The following SCP2 variants were observed in gnomAD, a reference collection of about 807,000 sequenced individuals.
SCP2 encodes the protein SCP-2/3-oxoacyl-CoA thiolase.
SCP2 carries 48 observed loss-of-function variants against 71.4 expected under a neutral mutation model. That is an observed-to-expected ratio of 0.67 (90% CI 0.53 to 0.86). SCP2 has a LOEUF of 0.86. SCP2 is among the 40% of genes least tolerant of loss of function. SCP2 has a pLI of 0.00. For missense variants in SCP2, 560 were observed against 655.6 expected, an observed-to-expected ratio of 0.85 and a Z score of 1.59; for synonymous variants, 220 against 218.1, an observed-to-expected ratio of 1.01 and a Z score of -0.08.
chr1:52,971,762 G>C (rs554312821), intron 6 of SCP2, among the ~76,000 whole-genome samples: 1 of 152,206 alleles, frequency 6.6e-6, no homozygotes, highest in African/African-American at 2.4e-5. Context: ...CCTTCTGGGC[G>C]TGGGGCAGGT....
chr1:52,938,540 G>A (rs1653939149), intron 1 of SCP2, among the ~76,000 whole-genome samples: 1 of 152,088 alleles, frequency 6.6e-6, no homozygotes, highest in Non-Finnish European at 1.5e-5. Context: ...ACTGCCTCCC[G>A]CCATGCTCCT....
At chr1:52,994,800 T>C (rs1659804960) in intron 11 of SCP2, 1 of 546,144 alleles carries the variant, frequency 1.8e-6, no homozygotes, top group East Asian at 4.8e-5. Flanking sequence ...ATGTGATCAG[T>C]GATGAACGTG....
At chr1:52,993,255 A>G in intron 11 of SCP2, 1 of 1,614,176 alleles carries the variant, frequency 6.2e-7, no homozygotes, top group South Asian at 1.1e-5. Flanking sequence ...GGTTCTGGTG[A>G]AGGAGGACAT....
chr1:52,967,681 C>T (rs762616259), intron 6 of SCP2, among the ~76,000 whole-genome samples: 6 of 152,082 alleles, frequency 3.9e-5, no homozygotes, highest in Non-Finnish European at 7.4e-5. Context: ...AAGAAGGGGT[C>T]AGGGGGCTCC....
At chr1:53,011,104 C>G (rs1322334109) in intron 11 of SCP2, among the ~76,000 whole-genome samples, 1 of 152,186 alleles carries the variant, frequency 6.6e-6, no homozygotes, top group Non-Finnish European at 1.5e-5. Context: ...TCTATGAAAA[C>G]TTTTTGCTGT....
chr1:52,975,468 G>A (rs1033949136), intron 7 of SCP2, among the ~76,000 whole-genome samples: 2 of 151,192 alleles, frequency 1.3e-5, no homozygotes, highest in African/African-American at 4.9e-5. Context: ...GTGAGCCACC[G>A]CACCCAGCCT....
intron 11 of SCP2, among the ~76,000 whole-genome samples, chr1:53,005,735 G>A (rs1413725327): frequency 6.6e-6 from 1 of 152,200 alleles, no homozygotes; most frequent in Non-Finnish European, 1.5e-5. Context: ...AAGGAGCACA[G>A]CTCCTCACCA....
At chr1:53,036,064 C>T (rs978571484) in intron 13 of SCP2, among the ~76,000 whole-genome samples, 2 of 145,216 alleles carry the variant, frequency 1.4e-5, no homozygotes, top group Non-Finnish European at 3.0e-5. Context: ...CAGAAAGTAA[C>T]TTGGCTAACT....
intron 5 of SCP2, among the ~76,000 whole-genome samples, chr1:52,960,877 C>T (rs1326527319): frequency 1.3e-5 from 2 of 150,962 alleles, no homozygotes; most frequent in Non-Finnish European, 2.9e-5. Context: ...CTCAGCCTCC[C>T]GAATAGCTGG....
At chr1:52,962,527 A>G (rs1199320249) in intron 6 of SCP2, among the ~76,000 whole-genome samples, 1 of 151,834 alleles carries the variant, frequency 6.6e-6, no homozygotes, top group South Asian at 2.1e-4. Context: ...TCAGATTGAA[A>G]CCCAAATGTC....
intron 11 of SCP2, among the ~76,000 whole-genome samples, chr1:53,002,841 G>A (rs1304564634): frequency 2.6e-5 from 4 of 152,090 alleles, no homozygotes; most frequent in African/African-American, 9.7e-5. Context: ...TTTAACCAAG[G>A]GACCGAGCAT....
chr1:53,007,568 T>C (rs948254733), intron 11 of SCP2, among the ~76,000 whole-genome samples: 3 of 152,184 alleles, frequency 2.0e-5, no homozygotes, highest in African/African-American at 7.2e-5. Flanking sequence ...AAAGATGTTC[T>C]TTGAAGCCAA....
At chr1:52,942,748 G>C (rs1368658541) in intron 2 of SCP2, among the ~76,000 whole-genome samples, 3 of 139,402 alleles carry the variant, frequency 2.2e-5, no homozygotes, top group Non-Finnish European at 4.5e-5. Flanking sequence ...GCCCAAGGTA[G>C]AGTGCAAATG....
chr1:53,009,178 T>C (rs1186528959), intron 11 of SCP2, among the ~76,000 whole-genome samples: 1 of 152,158 alleles, frequency 6.6e-6, no homozygotes, highest in African/African-American at 2.4e-5. Context: ...GAAGAATGAA[T>C]ATCGTGAAAA....
chr1:53,016,200 GA>G (rs1380256544), intron 12 of SCP2, among the ~76,000 whole-genome samples: 2 of 151,994 alleles, frequency 1.3e-5, no homozygotes, highest in Non-Finnish European at 2.9e-5. Flanking sequence ...TCTCTGCCCA[GA>G]ATATAATTTC....
chr1:53,042,610 A>G (rs1360362663), intron 14 of SCP2, among the ~76,000 whole-genome samples: 1 of 152,230 alleles, frequency 6.6e-6, no homozygotes, highest in Non-Finnish European at 1.5e-5. Context: ...AAGAAAAGCC[A>G]TCACTGGAAA....
intron 13 of SCP2, among the ~76,000 whole-genome samples, chr1:53,036,327 G>A (rs753876652): frequency 2.0e-4 from 30 of 149,308 alleles, no homozygotes; most frequent in Middle Eastern, 7.1e-3. Context: ...ATTCAGGCTC[G>A]TGCTAACTTC....
chr1:52,997,662 G>A (rs574793698), intron 11 of SCP2, among the ~76,000 whole-genome samples: 15 of 152,320 alleles, frequency 9.8e-5, no homozygotes, highest in African/African-American at 3.6e-4. Context: ...AAGGGTATGT[G>A]TGGAGTTTCT....
At chr1:53,027,925 G>A in intron 12 of SCP2, 44 bp from the exon 13 acceptor site, 3 of 1,050,708 alleles carry the variant, frequency 2.9e-6, no homozygotes, top group South Asian at 2.5e-5. Context: ...GAAAAACCTA[G>A]TACCTATGTG....
Sources: gnomAD v4.1 joint callset for allele counts (sites outside exome capture counted in the v4.1 genomes callset) on GRCh38, gnomAD v4.1.1 for gene constraint, MANE v1.5 for transcripts, NCBI Gene and HGNC (gene_info 2026-07-23, HGNC 2026-07-21) for gene names.